The following SLC24A4 variants were observed in gnomAD, a reference collection of about 807,000 sequenced individuals.
SLC24A4 encodes solute carrier family 24 member 4.
Under a neutral mutation model 79.0 loss-of-function variants are expected in SLC24A4, and 53 were observed. The observed-to-expected ratio is 0.67, with a 90% CI of 0.54 to 0.84. The LOEUF is 0.84. Ranked by LOEUF, SLC24A4 falls within the 40% of genes least tolerant of loss-of-function variation. The pLI is 0.00. For synonymous variants in SLC24A4, 323 were observed against 323.8 expected, an observed-to-expected ratio of 1.00 and a Z score of 0.03; for missense variants, 731 against 822.0, an observed-to-expected ratio of 0.89 and a Z score of 1.35.
chr14:92,375,805 AG>A (rs746197902), intron 2 of SLC24A4, among the ~76,000 whole-genome samples: 35 of 152,200 alleles, frequency 2.3e-4, no homozygotes, highest in Admixed American at 9.8e-4. Context: ...GCTGTGGGGG[AG>A]GGGTGCAGGG....
chr14:92,491,875 TC>T, intron 15 of SLC24A4, 98 bp downstream of exon 15: 2 of 913,876 alleles, frequency 2.2e-6, no homozygotes, highest in Middle Eastern at 3.1e-4. Flanking sequence ...CCTCCTCCTC[TC>T]CTTGGCACTC....
intron 2 of SLC24A4, among the ~76,000 whole-genome samples, 158 bp downstream of exon 2, chr14:92,326,136 A>G (rs1885115111): frequency 6.6e-6 from 1 of 152,238 alleles, no homozygotes; most frequent in East Asian, 1.9e-4. Context: ...ACATAAAGAC[A>G]TTCGTCAATG....
chr14:92,342,672 G>A (rs978122716), intron 2 of SLC24A4, among the ~76,000 whole-genome samples: 5 of 152,140 alleles, frequency 3.3e-5, no homozygotes, highest in African/African-American at 9.7e-5. Context: ...GTGCACCACC[G>A]CATGCCCTGC....
At chr14:92,432,730 C>G (rs2139787224) in intron 2 of SLC24A4, among the ~76,000 whole-genome samples, 1 of 152,264 alleles carries the variant, frequency 6.6e-6, no homozygotes, top group East Asian at 1.9e-4. Context: ...TTCTGGGTGT[C>G]TGGGGAGCTG....
intron 12 of SLC24A4, among the ~76,000 whole-genome samples, chr14:92,479,605 T>G (rs1036710133): frequency 1.3e-5 from 2 of 152,250 alleles, no homozygotes; most frequent in African/African-American, 4.8e-5. Context: ...GATTCCAGTT[T>G]GCTAGAATTT....
At chr14:92,327,227 T>C (rs1885196985) in intron 2 of SLC24A4, among the ~76,000 whole-genome samples, 1 of 152,222 alleles carries the variant, frequency 6.6e-6, no homozygotes, top group Non-Finnish European at 1.5e-5. Flanking sequence ...TGCCCTCAGA[T>C]GCCTTCTGAG....
intron 12 of SLC24A4, among the ~76,000 whole-genome samples, chr14:92,460,551 G>A (rs1893739928): frequency 6.6e-6 from 1 of 152,174 alleles, no homozygotes; most frequent in South Asian, 2.1e-4. Context: ...CCAGGCACCT[G>A]TTATGTGCCA....
chr14:92,481,928 A>G (rs375994012), intron 12 of SLC24A4, among the ~76,000 whole-genome samples: 1 of 152,332 alleles, frequency 6.6e-6, no homozygotes, highest in East Asian at 1.9e-4. Flanking sequence ...CTTACACTCA[A>G]TGGCTTATGA....
intron 2 of SLC24A4, among the ~76,000 whole-genome samples, chr14:92,426,447 A>T (rs192748674): frequency 6.6e-6 from 1 of 152,338 alleles, no homozygotes; most frequent in African/African-American, 2.4e-5. Flanking sequence ...AGAACAGCTG[A>T]ACCACATAGT....
chr14:92,385,094 G>T (rs1052798064), intron 2 of SLC24A4, among the ~76,000 whole-genome samples: 13 of 152,222 alleles, frequency 8.5e-5, no homozygotes, highest in African/African-American at 2.9e-4. Flanking sequence ...ATCTGTTGCT[G>T]CTACAGTTGC....
At chr14:92,325,832 G>A (rs756051945) in intron 1 of SLC24A4, 36 bp from the exon 2 acceptor site, 1 of 1,335,258 alleles carries the variant, frequency 7.5e-7, no homozygotes, top group South Asian at 1.2e-5. Flanking sequence ...CCATCACACT[G>A]ACCTAATGGT....
chr14:92,392,545 A>C (rs1289974561), intron 2 of SLC24A4, among the ~76,000 whole-genome samples: 1 of 151,970 alleles, frequency 6.6e-6, no homozygotes, highest in Non-Finnish European at 1.5e-5. Flanking sequence ...GTTTCTGATG[A>C]GGGCGGTAGC....
intron 2 of SLC24A4, among the ~76,000 whole-genome samples, chr14:92,373,203 C>T (rs1028980460): frequency 7.3e-5 from 5 of 68,322 alleles, no homozygotes; most frequent in African/African-American, 1.7e-4. Context: ...CGCACACACA[C>T]ACACACACAT....
rs577812901 is a variant in SLC24A4 at position 92,358,395 on chromosome 14, C to T, written c.241+32417C>T. On this transcript the variant is annotated intron_variant, in intron 2 of 16. Transcript: ENST00000532405. Reference sequence around the variant, plus strand: ...AGCACAAGTGGAAATCCCATTACATCGAATAATCTATTATTTGCTGAACTA... The same window carrying T: ...AGCACAAGTGGAAATCCCATTACATTGAATAATCTATTATTTGCTGAACTA... Among the ~76,000 whole-genome samples the T allele has an allele frequency of 3.9e-5, 6 of 152,184 alleles. No individual in the cohort carries two copies. The South Asian group carries it at 1.0e-3, about 26-fold the overall frequency.
intron 2 of SLC24A4, among the ~76,000 whole-genome samples, chr14:92,399,173 C>T (rs906972946): frequency 3.9e-5 from 6 of 152,034 alleles, no homozygotes; most frequent in Non-Finnish European, 8.8e-5. Context: ...TTCTCTGGAC[C>T]CTGGGTTCTC....
intron 12 of SLC24A4, among the ~76,000 whole-genome samples, chr14:92,457,924 G>A (rs1342031601): frequency 6.6e-6 from 1 of 152,228 alleles, no homozygotes; most frequent in African/African-American, 2.4e-5. Context: ...ACACCTGCCT[G>A]CGGTAGGTGG....
chr14:92,485,390 G>T (rs1031128790), intron 13 of SLC24A4, among the ~76,000 whole-genome samples: 3 of 151,978 alleles, frequency 2.0e-5, no homozygotes, highest in African/African-American at 7.3e-5. Flanking sequence ...GCTTAAACCC[G>T]AGAGGTTGAG....
chr14:92,458,171 T>A (rs1893590851), intron 12 of SLC24A4, among the ~76,000 whole-genome samples: 1 of 152,178 alleles, frequency 6.6e-6, no homozygotes. Context: ...ATCTGCATTT[T>A]CAAACCCTCT....
chr14:92,333,104 A>T (rs908273212), intron 2 of SLC24A4, among the ~76,000 whole-genome samples: 3 of 151,788 alleles, frequency 2.0e-5, no homozygotes, highest in Admixed American at 6.6e-5. Context: ...GGTTTAAAAA[A>T]TTTTTTTTGG....
Sources: allele counts gnomAD v4.1 joint callset (sites outside exome capture counted in the v4.1 genomes callset), GRCh38; gene constraint gnomAD v4.1.1; transcripts MANE v1.5; gene names NCBI Gene and HGNC (gene_info 2026-07-23, HGNC 2026-07-21).